MSN: variants seen among roughly 807,000 people sequenced by gnomAD.
MSN encodes epididymis luminal protein 70.
In MSN, 2 loss-of-function variants were observed where a neutral mutation model predicts 48.0. The ratio of observed to expected loss-of-function variants is 0.04; its 90% CI spans 0.02 to 0.13. MSN has a LOEUF of 0.13. Ranked by LOEUF, MSN falls within the 10% of genes least tolerant of loss-of-function variation. The pLI is 1.00. For synonymous variants in MSN, 146 were observed against 166.9 expected, an observed-to-expected ratio of 0.87 and a Z score of 0.97; for missense variants, 267 against 470.1, an observed-to-expected ratio of 0.57 and a Z score of 3.99.
chrX:65,649,820 A>G (rs887574777), intron 1 of MSN, among the ~76,000 whole-genome samples: 5 of 107,332 alleles, frequency 4.7e-5, no homozygotes, highest in Non-Finnish European at 5.7e-5. Context: ...AGCAAGGAAC[A>G]AATGAGATAA....
chrX:65,605,926 G>A (rs1424294074), intron 1 of MSN, among the ~76,000 whole-genome samples: 6 of 110,652 alleles, frequency 5.4e-5, no homozygotes, highest in African/African-American at 1.6e-4. Flanking sequence ...AGGTTCAATC[G>A]TTAATTTCAT....
At chrX:65,624,501 C>T (rs1358422575) in intron 1 of MSN, 3 of 108,430 alleles carry the variant, frequency 2.8e-5, no homozygotes, top group Admixed American at 9.9e-5. Flanking sequence ...TTTTTCTATT[C>T]TCCATTTTGT....
At chrX:65,655,399 A>G (rs1001401769) in intron 1 of MSN, among the ~76,000 whole-genome samples, 2 of 112,253 alleles carry the variant, frequency 1.8e-5, no homozygotes, top group Non-Finnish European at 3.8e-5. Context: ...GAATGACATA[A>G]TGATTTGAAA....
intron 1 of MSN, among the ~76,000 whole-genome samples, chrX:65,628,755 T>A (rs2070529570): frequency 9.0e-6 from 1 of 111,224 alleles, no homozygotes; most frequent in Non-Finnish European, 1.9e-5. Context: ...ATTTTTATGC[T>A]GTTTCCTTTT....
At chrX:65,716,036 G>A (rs972773496) in intron 1 of MSN, among the ~76,000 whole-genome samples, 8 of 111,759 alleles carry the variant, frequency 7.2e-5, no homozygotes, top group African/African-American at 2.3e-4. Flanking sequence ...AACATGAAGG[G>A]GTGTTAGATT....
intron 1 of MSN, among the ~76,000 whole-genome samples, chrX:65,612,865 T>TG (rs768444031): frequency 0.015 from 1,530 of 103,531 alleles, 14 homozygotes; most frequent in African/African-American, 0.024. Context: ...TTTTTTTTTT[T>TG]GGGGGGGGGT....
At chrX:65,610,783 A>G (rs1224772493) in intron 1 of MSN, among the ~76,000 whole-genome samples, 1 of 112,354 alleles carries the variant, frequency 8.9e-6, no homozygotes, top group Non-Finnish European at 1.9e-5. Flanking sequence ...ATTCTTTTTT[A>G]AAGCTTTTAA....
At chrX:65,670,395 T>TGTC (rs2070919747) in intron 1 of MSN, among the ~76,000 whole-genome samples, 2 of 111,423 alleles carry the variant, frequency 1.8e-5, no homozygotes, top group South Asian at 7.5e-4. Flanking sequence ...TATAGCTAAT[T>TGTC]GTCCCTCCTA....
intron 1 of MSN, among the ~76,000 whole-genome samples, chrX:65,592,273 GCAA>G (rs1427126762): frequency 3.1e-5 from 3 of 96,656 alleles, no homozygotes; most frequent in Non-Finnish European, 6.0e-5. Flanking sequence ...TTGGCTCACT[GCAA>G]CCTCTGCCTC....
At chrX:65,641,639 C>T (rs1445538063) in intron 1 of MSN, among the ~76,000 whole-genome samples, 3 of 76,971 alleles carry the variant, frequency 3.9e-5, no homozygotes, top group East Asian at 9.5e-4. Context: ...ACTGATGATA[C>T]CAAGTGTTGA....
At chrX:65,716,704 C>A in intron 1 of MSN, 114 bp from the exon 2 acceptor site, 1 of 614,048 alleles carries the variant, frequency 1.6e-6, no homozygotes. Context: ...ATCTAAGTTG[C>A]CCAGGCTCTT....
intron 1 of MSN, among the ~76,000 whole-genome samples, chrX:65,650,757 A>G (rs1206824435): frequency 1.8e-5 from 2 of 112,030 alleles, no homozygotes; most frequent in African/African-American, 6.5e-5. Context: ...ACAACAATTA[A>G]TTTTCTTACA....
intron 1 of MSN, among the ~76,000 whole-genome samples, chrX:65,596,266 G>A (rs145788310): frequency 0.017 from 1,900 of 111,032 alleles, 47 homozygotes; most frequent in African/African-American, 0.058. Context: ...CCAGTGTCTT[G>A]GAATTAAATA....
intron 1 of MSN, among the ~76,000 whole-genome samples, chrX:65,596,784 G>A (rs1011573368): frequency 9.1e-6 from 1 of 109,531 alleles, no homozygotes; most frequent in Non-Finnish European, 1.9e-5. Context: ...GCTTTCTGGA[G>A]TGTCTGCATA....
chrX:65,694,487 C>T (rs775830226), intron 1 of MSN, among the ~76,000 whole-genome samples: 2 of 110,420 alleles, frequency 1.8e-5, no homozygotes, highest in African/African-American at 6.6e-5. Context: ...CACCACCACG[C>T]CCGGCTAATT....
chrX:65,634,521 G>A lies in MSN; in HGVS notation c.-22+45909G>A, dbSNP rs372317476. ...CCAGCCACTCGGGAGGCTGAGGCAG[G>A]AGAATCACTTGAACCCGGGAGGCAG... On this transcript the variant is annotated intron_variant, in intron 1 of 3. Transcript: ENST00000609672. 2.6e-4 allele frequency among the ~76,000 whole-genome samples: 29 copies of A among 110,866 alleles called. 1 individual carries two copies. The East Asian group carries it at 7.9e-3, about 30-fold the overall frequency.
chrX:65,678,972 C>A (rs2071029092), intron 1 of MSN, among the ~76,000 whole-genome samples: 2 of 111,742 alleles, frequency 1.8e-5, no homozygotes, highest in African/African-American at 6.5e-5. Context: ...GCTTCCTTTT[C>A]CCATTTAGAA....
At position 65,641,550 on chromosome X, in the gene MSN, G is replaced by GTA. The variant is rs1168302693; in HGVS notation, c.-22+52988_-22+52989dup. 4.6e-3 allele frequency among the ~76,000 whole-genome samples: 70 copies of GTA among 15,377 alleles called. 1 individual carries two copies. Among genetic ancestry groups the GTA allele is most frequent in the Admixed American group, 0.013 (6 of 478 alleles). The allele number at this position is 15,377 out of a possible 115,157, so 13.4% of individuals were successfully genotyped here. On this transcript the variant is annotated intron_variant, in intron 1 of 3. Transcript: ENST00000609672. Reference sequence around the variant, plus strand: ...GTCTCAAAAAAAAAAAAAAAGTGAAGTATATATATATATATATATATATAT... The same window carrying GTA: ...GTCTCAAAAAAAAAAAAAAAGTGAAGTATATATATATATATATATATATATAT...
chrX:65,699,499 C>G (rs1230032020), intron 1 of MSN, among the ~76,000 whole-genome samples: 1 of 111,708 alleles, frequency 9.0e-6, no homozygotes, highest in South Asian at 3.7e-4. Flanking sequence ...CCTGTAATCC[C>G]AGCACTTTGG....
Sources: gnomAD v4.1 joint callset for allele counts (sites outside exome capture counted in the v4.1 genomes callset) on GRCh38, gnomAD v4.1.1 for gene constraint, MANE v1.5 for transcripts, NCBI Gene and HGNC (gene_info 2026-07-23, HGNC 2026-07-21) for gene names.